MCF2L2: variants seen among roughly 807,000 people sequenced by gnomAD.
MCF2L2 encodes probable guanine nucleotide exchange factor MCF2L2.
Under a neutral mutation model 150.2 loss-of-function variants are expected in MCF2L2, and 102 were observed. The ratio of observed to expected loss-of-function variants is 0.68; its 90% CI spans 0.58 to 0.80. The LOEUF is 0.80. Ranked by LOEUF, MCF2L2 falls within the 30% of genes least tolerant of loss-of-function variation. The pLI is 0.00. For synonymous variants in MCF2L2, 465 were observed against 491.3 expected (o/e 0.95, Z 0.71); for missense variants, 1,256 against 1,372.8 (o/e 0.91, Z 1.34).
At chr3:183,220,348 A>G (rs1723103297) in intron 20 of MCF2L2, among the ~76,000 whole-genome samples, 1 of 152,124 alleles carries the variant, frequency 6.6e-6, no homozygotes, top group African/African-American at 2.4e-5. Flanking sequence ...TTAGAGATAA[A>G]CCATTTTTCT....
Position 183,300,022 on chromosome 3 carries a change from G to C in MCF2L2, c.1288C>G (p.His430Asp), listed in dbSNP as rs763881406. The C allele has an allele frequency of 6.2e-7, 1 of 1,613,202 alleles. No homozygotes were observed. The highest frequency in any genetic ancestry group is 8.5e-7 in the Non-Finnish European group (1 of 1,179,752). The change falls in exon 11 of 30, where the codon CAT becomes GAT. Residue 430 changes from histidine (H) to aspartate (D), a missense_variant. Physicochemically the swap from His to Asp is moderately conservative, Grantham distance 81 (BLOSUM62 -1). Transcript: ENST00000328913. The part of the protein sequence containing the change: ...WDILGKSLEF[H>D]RQLDKVSQWC... ...TTGCTCACCTTGTCCAGCTGTCTAT[G>C]AAACTCTAAGGACTTTCCTAAAATG...
chr3:183,231,043 G>T (rs758202698), intron 15 of MCF2L2, 26 bp from the exon 16 acceptor site: 15 of 1,551,534 alleles, frequency 9.7e-6, no homozygotes, highest in Non-Finnish European at 1.3e-5. Flanking sequence ...AGGTGGGAGG[G>T]TGAAAGAGAG....
intron 3 of MCF2L2, among the ~76,000 whole-genome samples, chr3:183,344,205 T>C (rs1375118177): frequency 6.6e-6 from 1 of 152,078 alleles, no homozygotes; most frequent in Non-Finnish European, 1.5e-5. Flanking sequence ...ATTTATATTG[T>C]ATATAAAGTG....
chr3:183,340,470 C>T (rs972085665), intron 4 of MCF2L2, among the ~76,000 whole-genome samples: 4 of 151,992 alleles, frequency 2.6e-5, no homozygotes, highest in African/African-American at 9.7e-5. Flanking sequence ...AGTCTGAGGT[C>T]CCTACAGAGG....
At chr3:183,331,976 TC>T (rs1297757795) in intron 5 of MCF2L2, among the ~76,000 whole-genome samples, 1 of 152,176 alleles carries the variant, frequency 6.6e-6, no homozygotes, top group Non-Finnish European at 1.5e-5. Flanking sequence ...CCCACCTGAT[TC>T]CTATACCAGT....
chr3:183,297,084 G>A lies in MCF2L2; in HGVS notation c.1389C>T (p.Ile463=), dbSNP rs923350801. The change falls in exon 12 of 30, where the codon ATC becomes ATT. Residue 463 remains isoleucine, a synonymous_variant. Coordinates refer to ENST00000328913, the MANE Select transcript of MCF2L2 (RefSeq NM_015078.4). ...DKCQSREGVD[I]ALNDIATFLG... ...GGAATGTCGCAATGTCGTTCAAGGC[G>A]ATATCAACCCCTTCTCGAGACTGGC... The A allele has an allele frequency of 3.1e-6, 5 of 1,614,152 alleles. 1 individual carries two copies. The South Asian group carries it at 3.3e-5, about 11-fold the overall frequency.
At chr3:183,187,657 C>T (rs955834107) in intron 27 of MCF2L2, among the ~76,000 whole-genome samples, 2 of 151,846 alleles carry the variant, frequency 1.3e-5, no homozygotes, top group African/African-American at 2.4e-5. Flanking sequence ...TTAGTAGAGA[C>T]GGGGTTTCAC....
At chr3:183,340,956 A>C (rs1262434606) in intron 4 of MCF2L2, among the ~76,000 whole-genome samples, 1 of 152,196 alleles carries the variant, frequency 6.6e-6, no homozygotes, top group African/African-American at 2.4e-5. Flanking sequence ...AATAATAATA[A>C]TACTGAAATA....
At chr3:183,220,158 A>G (rs2108660537) in intron 20 of MCF2L2, among the ~76,000 whole-genome samples, 1 of 152,390 alleles carries the variant, frequency 6.6e-6, no homozygotes, top group Middle Eastern at 3.4e-3. Context: ...TCATTCAACC[A>G]TACCTCATGA....
At chr3:183,211,119 G>T (rs947703686) in intron 22 of MCF2L2, among the ~76,000 whole-genome samples, 1 of 152,082 alleles carries the variant, frequency 6.6e-6, no homozygotes, top group African/African-American at 2.4e-5. Context: ...CTGACGGAAG[G>T]GAAAAAAACA....
intron 1 of MCF2L2, among the ~76,000 whole-genome samples, chr3:183,395,400 A>G (rs552041707): frequency 6.6e-6 from 1 of 152,372 alleles, no homozygotes; most frequent in Admixed American, 6.5e-5. Context: ...GTGTGGGTGT[A>G]TGAGAAAAGA....
At position 183,428,025 on chromosome 3, in the gene MCF2L2, C is replaced by G. The variant is rs1716265664; in HGVS notation, c.-48G>C. 1 of 1,427,780 alleles carries G rather than the reference C, an allele frequency of 7.0e-7. No individual in the cohort carries two copies. The highest frequency in any genetic ancestry group is 1.4e-5 in the African/African-American group (1 of 71,266). 88.4% of individuals were successfully genotyped at this position (1,427,780 alleles called of 1,614,324 possible). ...TAAATAAAGCCAAACAAAACTGTTTCTACCGCTGCGGTGGATGATTTTTTA... is the reference window on the plus strand; with the variant it reads ...TAAATAAAGCCAAACAAAACTGTTTGTACCGCTGCGGTGGATGATTTTTTA... On this transcript the variant is annotated 5_prime_UTR_variant, in exon 1 of 30. It removes the in-frame stop codon of an upstream open reading frame in the 5' UTR. Transcript: ENST00000328913. The surrounding 1 kb of genome is among the most constrained non-coding windows in gnomAD (Gnocchi z 5.1).
intron 5 of MCF2L2, among the ~76,000 whole-genome samples, chr3:183,334,625 T>G (rs1482063226): frequency 6.9e-6 from 1 of 144,984 alleles, no homozygotes; most frequent in East Asian, 2.0e-4. Flanking sequence ...CTGTCTCTAC[T>G]AAAAAAAAAA....
chr3:183,270,400 C>A lies in MCF2L2; in HGVS notation c.1862+6472G>T, dbSNP rs1277497233. 1 of 1,614,126 alleles carries A rather than the reference C, an allele frequency of 6.2e-7. No individual in the cohort carries two copies. Among genetic ancestry groups the A allele is most frequent in the Admixed American group, 1.7e-5 (1 of 60,018 alleles). On this transcript the variant is annotated intron_variant, in intron 15 of 29. Coordinates refer to ENST00000328913, the MANE Select transcript of MCF2L2 (RefSeq NM_015078.4). This position sits in a 1 kb window ranked among gnomAD's most constrained non-coding sequence, Gnocchi z 4.5. ...GATGATGACATATTTATTCACATGC[C>A]AAATCTGATTGAGTACCTTCAAAGT...
At chr3:183,228,223 T>C (rs534715495) in intron 18 of MCF2L2, 74 bp downstream of exon 18, 10 of 1,111,160 alleles carry the variant, frequency 9.0e-6, no homozygotes, top group Non-Finnish European at 1.4e-5. Context: ...GATGTTTCCA[T>C]TTGTCCTTGC....
chr3:183,205,491 C>T lies in MCF2L2; in HGVS notation c.2884+385G>A, dbSNP rs192821546. 1.7e-3 allele frequency among the ~76,000 whole-genome samples: 258 copies of T among 152,268 alleles called. 2 individuals carry two copies. Among genetic ancestry groups the T allele is most frequent in the Non-Finnish European group, 3.1e-3 (208 of 68,032 alleles). ...AACCCACTGAATTGTATATTTTAGA[C>T]AGTGAATTTGATGGCATGTTAATTA... On this transcript the variant is annotated intron_variant, in intron 25 of 29. Coordinates refer to ENST00000328913, the MANE Select transcript of MCF2L2 (RefSeq NM_015078.4).
At position 183,392,166 on chromosome 3, in the gene MCF2L2, G is replaced by A. The variant is rs1217705667; in HGVS notation, c.77-2387C>T. On this transcript the variant is annotated intron_variant, in intron 1 of 29. Transcript: ENST00000328913. ...TGTGCTTTAAATTAAACATTTTAAA[G>A]ATGTAAGATCTGAAAGGGGAGCAGA... Among the ~76,000 whole-genome samples the A allele has an allele frequency of 5.3e-5, 8 of 152,314 alleles. No individual in the cohort carries two copies. The Middle Eastern group carries it at 0.014, about 259-fold the overall frequency.
chr3:183,264,146 C>A (rs910720466), intron 15 of MCF2L2, among the ~76,000 whole-genome samples: 5 of 152,192 alleles, frequency 3.3e-5, no homozygotes, highest in African/African-American at 1.2e-4. Context: ...TCTGTACCCC[C>A]CTAAGACTCC....
chr3:183,262,069 T>TTA (rs377071477), intron 15 of MCF2L2, among the ~76,000 whole-genome samples: 1,925 of 147,248 alleles, frequency 0.013, 35 homozygotes, highest in African/African-American at 0.031. Context: ...TGCATATATA[T>TTA]TATATATATA....
Sources: gnomAD v4.1 joint callset for allele counts (sites outside exome capture counted in the v4.1 genomes callset) on GRCh38, gnomAD v4.1.1 for gene constraint, Gnocchi (gnomAD v3.1) non-coding constraint, MANE v1.5 for transcripts, NCBI Gene and HGNC (gene_info 2026-07-23, HGNC 2026-07-21) for gene names.